The following MYO3B variants were observed in gnomAD, a reference collection of about 807,000 sequenced individuals.
MYO3B encodes myosin-IIIb.
A neutral mutation model predicts 174.6 loss-of-function variants in MYO3B; 156 were observed. That is an observed-to-expected ratio of 0.89 (90% CI 0.78 to 1.02). The LOEUF is 1.02. MYO3B is among the 50% of genes least tolerant of loss of function. MYO3B has a pLI of 0.00. For missense variants in MYO3B, 1,632 were observed against 1,639.4 expected, an observed-to-expected ratio of 1.00 and a Z score of 0.08; for synonymous variants, 563 against 569.1, an observed-to-expected ratio of 0.99 and a Z score of 0.15.
intron 32 of MYO3B, among the ~76,000 whole-genome samples, chr2:170,563,112 TCACACATACACACACACACACACACACA>T (rs1232054242): frequency 1.7e-4 from 22 of 131,142 alleles, no homozygotes; most frequent in African/African-American, 5.9e-4. Context: ...TCTCTCTCTC[TCACACATACACACACACACACACACACA>T]CACACATACA....
intron 23 of MYO3B, among the ~76,000 whole-genome samples, chr2:170,462,567 C>T (rs1302233649): frequency 6.6e-6 from 1 of 152,276 alleles, no homozygotes; most frequent in African/African-American, 2.4e-5. Context: ...CCAGCCTAAC[C>T]CACATGCTGA....
chr2:170,240,715 G>C (rs935299152), intron 7 of MYO3B, among the ~76,000 whole-genome samples: 5 of 152,124 alleles, frequency 3.3e-5, no homozygotes, highest in African/African-American at 9.7e-5. Context: ...ATTTTAAGCT[G>C]ACATTATCAA....
chr2:170,607,020 C>CA lies in MYO3B; in HGVS notation c.3734-44602dup, dbSNP rs1472479974. 2.6e-5 allele frequency among the ~76,000 whole-genome samples: 4 copies of CA among 152,042 alleles called. No individual in the cohort carries two copies. The East Asian group carries it at 7.7e-4, about 29-fold the overall frequency. The stretch of plus-strand genomic sequence containing the variant: ...GGGCAAAAAAAGCGAAACTCCGTCT[C>CA]AAAAAATAAAATAAAACAAAATAAA... On this transcript the variant is annotated intron_variant, in intron 32 of 34. Transcript: ENST00000408978.
At chr2:170,236,777 T>C (rs2093075577) in intron 7 of MYO3B, among the ~76,000 whole-genome samples, 1 of 152,212 alleles carries the variant, frequency 6.6e-6, no homozygotes, top group Non-Finnish European at 1.5e-5. Flanking sequence ...AATATGAAGC[T>C]ATCCAGGGAC....
chr2:170,238,667 G>A lies in MYO3B; in HGVS notation c.749+2531G>A, dbSNP rs1173061879. 2.7e-5 allele frequency among the ~76,000 whole-genome samples: 3 copies of A among 110,510 alleles called. No individual in the cohort carries two copies. The East Asian group carries it at 1.2e-3, about 44-fold the overall frequency. The allele number at this position is 110,510 out of a possible 152,430, so 72.5% of individuals were successfully genotyped here. A position where few individuals can be genotyped will look rare whatever the true frequency, so the allele number is the denominator to read the frequency against. On this transcript the variant is annotated intron_variant, in intron 7 of 34. Coordinates refer to ENST00000408978, the MANE Select transcript of MYO3B (RefSeq NM_138995.5). ...TAAGGGAAGAAAATAAAACCTTGAT[G>A]GAGTCAGGGAAGAAGTGACTTTCAC...
At chr2:170,454,362 C>A (rs1299582626) in intron 23 of MYO3B, among the ~76,000 whole-genome samples, 1 of 152,174 alleles carries the variant, frequency 6.6e-6, no homozygotes, top group African/African-American at 2.4e-5. Flanking sequence ...CAGCTACAGA[C>A]ACTCCAAGAT....
At chr2:170,328,796 A>G (rs1157750763) in intron 7 of MYO3B, among the ~76,000 whole-genome samples, 1 of 150,350 alleles carries the variant, frequency 6.7e-6, no homozygotes, top group Non-Finnish European at 1.5e-5. Context: ...ATGGAAAAAA[A>G]TAAGTACCAG....
At chr2:170,239,333 T>C (rs2093105861) in intron 7 of MYO3B, among the ~76,000 whole-genome samples, 2 of 152,242 alleles carry the variant, frequency 1.3e-5, no homozygotes, top group South Asian at 4.1e-4. Context: ...ACAATTATGT[T>C]GGTCTCTTGA....
intron 22 of MYO3B, among the ~76,000 whole-genome samples, chr2:170,431,136 G>A (rs2094705258): frequency 6.6e-6 from 1 of 152,022 alleles, no homozygotes; most frequent in African/African-American, 2.4e-5. Flanking sequence ...TAGATATTGG[G>A]TAGATGTCAG....
At chr2:170,274,375 C>G (rs1002818172) in intron 7 of MYO3B, among the ~76,000 whole-genome samples, 7 of 152,158 alleles carry the variant, frequency 4.6e-5, no homozygotes, top group African/African-American at 1.7e-4. Flanking sequence ...AATAAAACTC[C>G]TTTAACTCAA....
At chr2:170,335,175 CA>C (rs376986310) in intron 7 of MYO3B, among the ~76,000 whole-genome samples, 155 of 152,180 alleles carry the variant, frequency 1.0e-3, no homozygotes, top group African/African-American at 3.5e-3. Flanking sequence ...CTGAGAAGGC[CA>C]GGGACATAGT....
intron 8 of MYO3B, chr2:170,344,696 G>A (rs2094003430): frequency 6.6e-6 from 1 of 152,132 alleles, no homozygotes; most frequent in African/African-American, 2.4e-5. Context: ...GTGACTGAGA[G>A]AATTAAGTGA....
At chr2:170,304,230 G>A (rs2093684846) in intron 7 of MYO3B, among the ~76,000 whole-genome samples, 1 of 151,964 alleles carries the variant, frequency 6.6e-6, no homozygotes, top group South Asian at 2.1e-4. Flanking sequence ...TGGCCATAGT[G>A]ATTTATATTT....
At chr2:170,449,373 A>G (rs1467371045) in intron 23 of MYO3B, among the ~76,000 whole-genome samples, 3 of 152,212 alleles carry the variant, frequency 2.0e-5, no homozygotes, top group Admixed American at 6.5e-5. Flanking sequence ...AATACTCACA[A>G]ATAGTTTCTA....
intron 32 of MYO3B, among the ~76,000 whole-genome samples, chr2:170,596,627 A>G (rs1333941509): frequency 6.6e-6 from 1 of 152,224 alleles, no homozygotes; most frequent in African/African-American, 2.4e-5. Flanking sequence ...ACTCATTTAA[A>G]TAGGCATCTC....
intron 22 of MYO3B, among the ~76,000 whole-genome samples, chr2:170,423,127 G>A (rs550998494): frequency 2.0e-3 from 310 of 151,724 alleles, no homozygotes; most frequent in African/African-American, 6.6e-3. Context: ...GATTACAGGT[G>A]CCCACCACCA....
intron 7 of MYO3B, among the ~76,000 whole-genome samples, chr2:170,243,941 G>C (rs962728644): frequency 5.9e-5 from 9 of 152,156 alleles, no homozygotes; most frequent in African/African-American, 1.7e-4. Flanking sequence ...ACACTCTTAA[G>C]AGATACGGTC....
intron 25 of MYO3B, among the ~76,000 whole-genome samples, chr2:170,492,354 C>G (rs1173268611): frequency 6.6e-6 from 1 of 152,172 alleles, no homozygotes; most frequent in East Asian, 1.9e-4. Context: ...CCAGGGTTCT[C>G]TTTATCTTTA....
rs1483932399 is a variant in MYO3B, at chr2:170,654,677, A to AT, written c.*1557dup. ...AAAAAAAAAAAAAAAAAAAAAAGAG[A>AT]TAGTATGCAAGAAGACACCTAAATT... On this transcript the variant is annotated 3_prime_UTR_variant, in exon 35 of 35. Transcript: ENST00000408978. The AT allele has an allele frequency of 2.0e-5, 3 of 148,038 alleles. No individual in the cohort carries two copies. The highest frequency in any genetic ancestry group is 7.4e-5 in the African/African-American group (3 of 40,460). 9.2% of individuals were successfully genotyped at this position (148,038 alleles called of 1,614,324 possible).
Sources: gnomAD v4.1 joint callset for allele counts (sites outside exome capture counted in the v4.1 genomes callset) on GRCh38, gnomAD v4.1.1 for gene constraint, MANE v1.5 for transcripts, NCBI Gene and HGNC (gene_info 2026-07-23, HGNC 2026-07-21) for gene names.